Variants in ATPAF1 observed in about 807,000 individuals in gnomAD.
ATPAF1 encodes the protein homolog of yeast ATP11.
Under a neutral mutation model 43.9 loss-of-function variants are expected in ATPAF1, and 26 were observed. The observed-to-expected ratio is 0.59, with a 90% CI of 0.43 to 0.82. The LOEUF (loss-of-function observed/expected upper bound fraction) is 0.82. ATPAF1 is among the 40% of genes least tolerant of loss of function. The pLI is 0.00. For missense variants in ATPAF1, 366 were observed against 435.0 expected, an observed-to-expected ratio of 0.84 and a Z score of 1.41; for synonymous variants, 157 against 168.0, an observed-to-expected ratio of 0.93 and a Z score of 0.50.
intron 1 of ATPAF1, chr1:46,666,001 A>C: frequency 2.4e-6 from 1 of 418,476 alleles, no homozygotes; most frequent in East Asian, 8.1e-5. Context: ...CAGACTGTGT[A>C]GCTAACCATG....
intron 6 of ATPAF1, among the ~76,000 whole-genome samples, chr1:46,650,618 A>G (rs1490204432): frequency 6.6e-6 from 1 of 152,160 alleles, no homozygotes; most frequent in Non-Finnish European, 1.5e-5. Context: ...TATGGAATCA[A>G]CCTAAGTGTC....
intron 4 of ATPAF1, among the ~76,000 whole-genome samples, chr1:46,656,060 G>A (rs4301586): frequency 0.26 from 39,921 of 152,128 alleles, 5,544 homozygotes; most frequent in East Asian, 0.38. Context: ...GAAATAATAA[G>A]AAACATGTAA....
At chr1:46,638,007 T>C (rs1305079387) in intron 8 of ATPAF1, among the ~76,000 whole-genome samples, 2 of 152,228 alleles carry the variant, frequency 1.3e-5, no homozygotes, top group African/African-American at 2.4e-5. Context: ...TCATCCATTT[T>C]ACCTTTCTTA....
chr1:46,658,146 GT>G lies in ATPAF1; in HGVS notation c.469del (p.Thr157LeufsTer5). Reference sequence around the variant, plus strand: ...CATTACCTGTTTTATTTCTTCTGCAGTTTTTTCTTTTACCATCTCAATGTTA... The same window carrying G: ...CATTACCTGTTTTATTTCTTCTGCAGTTTTTCTTTTACCATCTCAATGTTA... On this transcript the variant is annotated frameshift_variant, in exon 4 of 9. Transcript: ENST00000574428. LOFTEE classifies it high-confidence loss of function. The G allele has an allele frequency of 6.2e-7, 1 of 1,610,026 alleles. No individual in the cohort carries two copies. The highest frequency in any genetic ancestry group is 8.5e-7 in the Non-Finnish European group (1 of 1,178,426).
At chr1:46,635,866 A>C in exon 9 of ATPAF1, 2 of 1,614,192 alleles carry the variant, frequency 1.2e-6, no homozygotes, top group East Asian at 2.2e-5. Context: ...ATTTGAACTC[A>C]TTTGGTCTGA....
chr1:46,656,879 A>C (rs1676282744), intron 4 of ATPAF1, among the ~76,000 whole-genome samples: 1 of 152,214 alleles, frequency 6.6e-6, no homozygotes, highest in South Asian at 2.1e-4. Context: ...GCGGAGGCTA[A>C]AACTCCTTGG....
intron 7 of ATPAF1, 114 bp downstream of exon 7, chr1:46,645,047 A>AT (rs1676015475): frequency 1.2e-6 from 1 of 800,858 alleles, no homozygotes; most frequent in Non-Finnish European, 2.0e-6. Context: ...CTGCGCCACA[A>AT]TAATAAATGC....
In ATPAF1 at chr1:46,653,747, A is replaced by T; in HGVS notation, c.540+70T>A. 6.8e-7 allele frequency: 1 copy of T among 1,464,252 alleles called. No individual in the cohort carries two copies. The highest frequency in any genetic ancestry group is 1.2e-5 in the South Asian group (1 of 80,470). The allele number at this position is 1,464,252 out of a possible 1,614,324, so 90.7% of individuals were successfully genotyped here. On this transcript the variant is annotated intron_variant, in intron 5 of 8. Transcript: ENST00000574428. This position sits in a 1 kb window ranked among gnomAD's most constrained non-coding sequence, Gnocchi z 4.8. ...AATAAACATAGGAAAAGTAAAGGCA[A>T]CTGCCTGCTAAGGTTAGAGAACTGA...
At chr1:46,662,421 C>T (rs1342498584) in intron 2 of ATPAF1, among the ~76,000 whole-genome samples, 1 of 151,726 alleles carries the variant, frequency 6.6e-6, no homozygotes, top group Non-Finnish European at 1.5e-5. Context: ...GAATTTGCTC[C>T]CCAACCTTAT....
At position 46,658,776 on chromosome 1, in the gene ATPAF1, T is replaced by G. The variant is rs997887218; in HGVS notation, c.376-39A>C. The G allele has an allele frequency of 2.1e-6, 3 of 1,462,000 alleles. No individual in the cohort carries two copies. In the African/African-American group the frequency reaches 4.4e-5, roughly 21 times the overall value. 90.6% of individuals were successfully genotyped at this position (1,462,000 alleles called of 1,614,324 possible). ...GACAAGATATTAATCTACACTTTAC[T>G]CATAAGAAAAAAGGTAACTAAGCTA... On this transcript the variant is annotated intron_variant, in intron 2 of 8. Transcript: ENST00000574428.
chr1:46,656,176 G>C (rs947562321), intron 4 of ATPAF1, among the ~76,000 whole-genome samples: 1 of 152,196 alleles, frequency 6.6e-6, no homozygotes, highest in South Asian at 2.1e-4. Flanking sequence ...AAATAAGGAG[G>C]CTGGGAAGAT....
At chr1:46,636,731 TA>T (rs111988234) in intron 8 of ATPAF1, among the ~76,000 whole-genome samples, 414 of 138,862 alleles carry the variant, frequency 3.0e-3, no homozygotes, top group Admixed American at 2.6e-3. Flanking sequence ...GTGAGCCCCT[TA>T]AAAAAAAAAA....
upstream of ATPAF1, chr1:46,668,388 C>T (rs562789171): frequency 1.9e-3 from 2,245 of 1,203,486 alleles, 20 homozygotes; most frequent in African/African-American, 0.019. The surrounding 1 kb of genome is among the most constrained non-coding windows in gnomAD (Gnocchi z 4.4). Context: ...CGCGCCCGCT[C>T]CATCCCGCTC....
intron 6 of ATPAF1, among the ~76,000 whole-genome samples, chr1:46,646,845 A>C (rs2148818099): frequency 6.6e-6 from 1 of 152,304 alleles, no homozygotes; most frequent in African/African-American, 2.4e-5. Flanking sequence ...TGAAGTTCAT[A>C]CTTCCCTGTC....
In ATPAF1 at chr1:46,665,641, A is replaced by G. The variant is rs143411400; in HGVS notation, c.267-277T>C. On this transcript the variant is annotated intron_variant, in intron 1 of 8. Transcript: ENST00000574428. Reference sequence around the variant, plus strand: ...TTACACAGGGCTTAGTCTCTCAGGTACTTACATTCAGGGTACTTAGAATTT... The same window carrying G: ...TTACACAGGGCTTAGTCTCTCAGGTGCTTACATTCAGGGTACTTAGAATTT... The G allele has an allele frequency of 3.5e-5, 54 of 1,530,998 alleles. No homozygotes were observed. In the African/African-American group the frequency reaches 7.0e-4, roughly 20 times the overall value. 94.8% of individuals were successfully genotyped at this position (1,530,998 alleles called of 1,614,324 possible).
At chr1:46,656,920 C>T (rs767231782) in intron 4 of ATPAF1, among the ~76,000 whole-genome samples, 57 of 152,324 alleles carry the variant, frequency 3.7e-4, no homozygotes, top group Non-Finnish European at 7.1e-4. Flanking sequence ...ATCTCTGTAT[C>T]TGGCACAGAG....
chr1:46,652,286 C>A, intron 6 of ATPAF1: 1 of 235,542 alleles, frequency 4.2e-6, no homozygotes, highest in East Asian at 7.7e-5. Flanking sequence ...AGATTAAGAT[C>A]TACATCAGAA....
At chr1:46,633,367 A>T (rs1675784414), downstream of ATPAF1, 1 of 187,820 alleles carries the variant, frequency 5.3e-6, no homozygotes. Flanking sequence ...AAGTTAATTT[A>T]ATTCTCACAA....
At chr1:46,657,150 C>A (rs907970429) in intron 4 of ATPAF1, among the ~76,000 whole-genome samples, 1 of 152,070 alleles carries the variant, frequency 6.6e-6, no homozygotes, top group African/African-American at 2.4e-5. Context: ...ACCCACTTCA[C>A]GGGGTGGTTA....
Sources: gnomAD v4.1 joint callset for allele counts (sites outside exome capture counted in the v4.1 genomes callset) on GRCh38, gnomAD v4.1.1 for gene constraint, Gnocchi (gnomAD v3.1) non-coding constraint, MANE v1.5 for transcripts, NCBI Gene and HGNC (gene_info 2026-07-23, HGNC 2026-07-21) for gene names.